The following NCAM1 variants were observed in gnomAD, a reference collection of about 807,000 sequenced individuals.
The protein encoded by NCAM1 is antigen recognized by monoclonal antibody 5.1H11.
Under a neutral mutation model 109.8 loss-of-function variants are expected in NCAM1, and 14 were observed. The ratio of observed to expected loss-of-function variants is 0.13; its 90% CI spans 0.08 to 0.20. The LOEUF is 0.20. NCAM1 is among the 10% of genes least tolerant of loss of function. The pLI, the probability that NCAM1 is intolerant of heterozygous loss-of-function variation, is 1.00. For missense variants in NCAM1, 774 were observed against 1,109.9 expected (o/e 0.70, Z 4.30); for synonymous variants, 418 against 442.9 (o/e 0.94, Z 0.70).
chr11:113,143,980 T>A (rs545888142), intron 1 of NCAM1, among the ~76,000 whole-genome samples: 14 of 152,292 alleles, frequency 9.2e-5, no homozygotes, highest in African/African-American at 3.4e-4. Context: ...AGTGACAGCA[T>A]ATCTTTCCTT....
intron 1 of NCAM1, among the ~76,000 whole-genome samples, chr11:113,190,459 C>T (rs1004811026): frequency 2.4e-4 from 37 of 152,276 alleles, no homozygotes; most frequent in South Asian, 1.9e-3. Context: ...GTGCCAGCAC[C>T]GCCCCACGGC....
Position 113,231,768 on chromosome 11 carries a change from T to A in NCAM1, c.1213T>A (p.Ser405Thr). 6.8e-6 allele frequency: 11 copies of A among 1,613,820 alleles called. No individual in the cohort carries two copies. The highest frequency in any genetic ancestry group is 9.3e-6 in the Non-Finnish European group (11 of 1,179,862). ...CGCCAGCAACACCATCGGCCAGGAC[T>A]CCCAGTCCATGTACCTTGAAGTGCA... is the stretch of plus-strand genomic sequence containing the variant. ...CTASNTIGQD[S>T]QSMYLEVQYA... The change falls in exon 10 of 20, where the codon TCC becomes ACC. Residue 405 changes from serine to threonine, a missense_variant. Physicochemically the swap from Ser to Thr is moderately conservative, Grantham distance 58 (BLOSUM62 1). Transcript: ENST00000316851.
chr11:113,194,595 C>T (rs937138840), intron 1 of NCAM1, among the ~76,000 whole-genome samples: 5 of 152,182 alleles, frequency 3.3e-5, no homozygotes, highest in African/African-American at 7.2e-5. Flanking sequence ...GTCTGTATGG[C>T]TTGTCTTTAT....
Position 113,277,849 on chromosome 11 carries a change from T to TTAAAAAAAAAAAAAAAAAAAAAAAAAAAA in NCAM1, c.*2462_*2463insTAAAAAAAAAAAAAAAAAAAAAAAAAAAA. The TTAAAAAAAAAAAAAAAAAAAAAAAAAAAA allele has an allele frequency of 1.6e-5, 1 of 63,250 alleles. No individual in the cohort carries two copies. Among genetic ancestry groups the TTAAAAAAAAAAAAAAAAAAAAAAAAAAAA allele is most frequent in the Non-Finnish European group, 2.8e-5 (1 of 35,990 alleles). 3.9% of individuals were successfully genotyped at this position (63,250 alleles called of 1,614,324 possible). On this transcript the variant is annotated 3_prime_UTR_variant, in exon 20 of 20. Coordinates refer to ENST00000316851, the MANE Select transcript of NCAM1 (RefSeq NM_181351.5). The stretch of plus-strand genomic sequence containing the variant: ...TCTCAGCATGCAAGAGTTTTTCCTT[T>TTAAAAAAAAAAAAAAAAAAAAAAAAAAAA]AAAAAAAAAAAAAAAAAAAAAAAAA...
intron 1 of NCAM1, among the ~76,000 whole-genome samples, chr11:112,970,778 A>G (rs1950857472): frequency 6.6e-6 from 1 of 152,172 alleles, no homozygotes; most frequent in African/African-American, 2.4e-5. Context: ...AAACCCAACT[A>G]TGATATATTT....
At chr11:113,222,786 T>C (rs1555115536) in intron 9 of NCAM1, among the ~76,000 whole-genome samples, 1 of 152,146 alleles carries the variant, frequency 6.6e-6, no homozygotes, top group African/African-American at 2.4e-5. Flanking sequence ...GTGGAAGTAA[T>C]AGGTTTACTC....
intron 10 of NCAM1, 134 bp from the exon 11 acceptor site, chr11:113,232,036 A>C: frequency 1.0e-6 from 1 of 991,910 alleles, no homozygotes. Context: ...GGAATTCTAG[A>C]ATGGCCCTGA....
At chr11:112,961,778 C>A in intron 1 of NCAM1, 114 bp downstream of exon 1, 2 of 717,992 alleles carry the variant, frequency 2.8e-6, no homozygotes, top group South Asian at 3.7e-5. Context: ...TAAGGCTGGT[C>A]ATTTTCGTTT....
chr11:113,215,262 G>A (rs1944495080), intron 8 of NCAM1, among the ~76,000 whole-genome samples: 1 of 152,114 alleles, frequency 6.6e-6, no homozygotes, highest in Non-Finnish European at 1.5e-5. Context: ...TGATTATTGA[G>A]TGGGCCAAAA....
At chr11:113,199,953 G>T (rs1184220754) in intron 1 of NCAM1, among the ~76,000 whole-genome samples, 1 of 151,722 alleles carries the variant, frequency 6.6e-6, no homozygotes, top group East Asian at 1.9e-4. Flanking sequence ...GATCCTGGCC[G>T]CATTTGGATA....
At chr11:113,001,899 T>G (rs1951762399) in intron 1 of NCAM1, among the ~76,000 whole-genome samples, 1 of 152,190 alleles carries the variant, frequency 6.6e-6, no homozygotes, top group Admixed American at 6.5e-5. Flanking sequence ...TTTCCATCTT[T>G]TGGCTGTGCT....
intron 1 of NCAM1, among the ~76,000 whole-genome samples, chr11:113,123,028 T>C (rs1294549505): frequency 1.3e-5 from 2 of 151,880 alleles, no homozygotes; most frequent in Non-Finnish European, 2.9e-5. Flanking sequence ...AGGTAGAGAG[T>C]AGAATGATGG....
intron 7 of NCAM1, among the ~76,000 whole-genome samples, chr11:113,208,211 G>A (rs1433249426): frequency 2.6e-5 from 4 of 152,072 alleles, no homozygotes; most frequent in African/African-American, 4.8e-5. Flanking sequence ...TGGCCTCCCC[G>A]ACTCTCCCTA....
chr11:113,231,824 G>T, intron 10 of NCAM1, 29 bp downstream of exon 10: 2 of 1,613,424 alleles, frequency 1.2e-6, no homozygotes, highest in Non-Finnish European at 1.7e-6. Context: ...AGGACCTGGG[G>T]GAGGGAGGGG....
chr11:113,051,070 T>C (rs1242749510), intron 1 of NCAM1, among the ~76,000 whole-genome samples: 1 of 152,188 alleles, frequency 6.6e-6, no homozygotes, highest in Non-Finnish European at 1.5e-5. Context: ...TTGGGGTCCT[T>C]TTGAACCCCT....
intron 1 of NCAM1, among the ~76,000 whole-genome samples, chr11:113,160,764 G>A (rs79147694): frequency 1.3e-5 from 2 of 152,040 alleles, no homozygotes; most frequent in Admixed American, 6.5e-5. Context: ...GGTCACTGAG[G>A]GCTCTGCTTA....
chr11:113,172,178 A>G (rs1943015660), intron 1 of NCAM1, among the ~76,000 whole-genome samples: 3 of 152,182 alleles, frequency 2.0e-5, no homozygotes, highest in Non-Finnish European at 4.4e-5. Context: ...AGCCCTAGAA[A>G]ACTAACATAG....
rs564115643 is a variant in NCAM1, at chr11:113,262,771, T to C, written c.2131+2448T>C. 9 of 1,523,192 alleles carry C rather than the reference T, an allele frequency of 5.9e-6. No individual in the cohort carries two copies. In the Admixed American group the frequency reaches 1.7e-4, roughly 28 times the overall value. The allele number at this position is 1,523,192 out of a possible 1,614,324, so 94.4% of individuals were successfully genotyped here. A position where few individuals can be genotyped will look rare whatever the true frequency, so the allele number is the denominator to read the frequency against. ...TCACACTTGTCACCTTGGACGTCAC[T>C]GGGACATCCCCACTGCCACATTTGT... On this transcript the variant is annotated intron_variant, in intron 17 of 19. Coordinates refer to ENST00000316851, the MANE Select transcript of NCAM1 (RefSeq NM_181351.5).
intron 17 of NCAM1, 77 bp downstream of exon 17, chr11:113,260,400 C>A (rs975369267): frequency 1.8e-5 from 26 of 1,444,998 alleles, no homozygotes; most frequent in African/African-American, 2.8e-5. Flanking sequence ...TGCGCCTGAA[C>A]AACCCTGACA....
Sources: gnomAD v4.1 joint callset for allele counts (sites outside exome capture counted in the v4.1 genomes callset) on GRCh38, gnomAD v4.1.1 for gene constraint, MANE v1.5 for transcripts, NCBI Gene and HGNC (gene_info 2026-07-23, HGNC 2026-07-21) for gene names.